SVOPL: variants seen among roughly 807,000 people sequenced by gnomAD.
The protein encoded by SVOPL is SVOP like, also known as putative transporter SVOPL.
Under a neutral mutation model 61.0 loss-of-function variants are expected in SVOPL, and 60 were observed. The observed-to-expected ratio is 0.98, with a 90% confidence interval of 0.80 to 1.22. The LOEUF is 1.22. SVOPL is among the 50% of genes most tolerant of loss of function. The pLI, the probability that SVOPL is intolerant of heterozygous loss-of-function variation, is 0.00. For missense variants in SVOPL, 662 were observed against 643.9 expected, an observed-to-expected ratio of 1.03 and a Z score of -0.30; for synonymous variants, 279 against 250.0, an observed-to-expected ratio of 1.12 and a Z score of -1.09.
At position 138,682,420 on chromosome 7, in the gene SVOPL, A is replaced by T. The variant is rs138508497; in HGVS notation, c.-34-3341T>A. Among the ~76,000 whole-genome samples, 397 of 152,328 alleles carry T rather than the reference A, an allele frequency of 2.6e-3. 4 individuals are homozygous for T. Among genetic ancestry groups the T allele is most frequent in the African/African-American group, 8.8e-3 (365 of 41,574 alleles). On this transcript the variant is annotated intron_variant, in intron 1 of 15. Transcript: ENST00000674285. ...GAAATGGAACCTGAATCGAATCAGG[A>T]ATCTAGCTCTAGCTACCAGCTTACA...
At position 138,596,878 on chromosome 7, in the gene SVOPL, C is replaced by CT. The variant is rs953932118; in HGVS notation, c.1354-349dup. The CT allele has an allele frequency of 7.3e-6, 8 of 1,091,834 alleles. No homozygotes were observed. The Admixed American group carries it at 3.7e-4, about 51-fold the overall frequency. 67.6% of individuals were successfully genotyped at this position (1,091,834 alleles called of 1,614,324 possible). A position where few individuals can be genotyped will look rare whatever the true frequency, so the allele number is the denominator to read the frequency against. Reference sequence around the variant, plus strand: ...CATACCATTTCAGCTTGCTTAACTTCTAACTCTCACTTCATGCTATATCCT... The same window carrying CT: ...CATACCATTTCAGCTTGCTTAACTTCTTAACTCTCACTTCATGCTATATCCT... On this transcript the variant is annotated intron_variant, in intron 14 of 15. Transcript: ENST00000674285.
chr7:138,596,410 C>G lies in SVOPL; in HGVS notation c.1467+7G>C, dbSNP rs1258639340. ...GAAAAGACTTCAGAGTTCCCTGCAT[C>G]ACTCACCTGGAGGGCCCGTCCTTTG... is the stretch of plus-strand genomic sequence containing the variant. On this transcript the variant is annotated splice_region_variant and intron_variant, in intron 15 of 15. Coordinates refer to ENST00000674285, the MANE Select transcript of SVOPL (RefSeq NM_001139456.2). The G allele has an allele frequency of 5.0e-6, 8 of 1,613,254 alleles. No individual in the cohort carries two copies. The highest frequency in any genetic ancestry group is 1.7e-4 in the Middle Eastern group (1 of 6,058).
intron 10 of SVOPL, 150 bp from the exon 11 acceptor site, chr7:138,628,513 T>C (rs1401189007): frequency 1.3e-6 from 1 of 757,068 alleles, no homozygotes; most frequent in Non-Finnish European, 2.1e-6. Flanking sequence ...TTCGTGGAAG[T>C]GTCTCTTACA....
intron 5 of SVOPL, chr7:138,660,982 C>A: frequency 1.0e-6 from 1 of 982,792 alleles, no homozygotes; most frequent in South Asian, 4.7e-5. Context: ...AACTCCTGTA[C>A]TTTAATGTTT....
At chr7:138,643,209 G>A (rs1285774413) in intron 9 of SVOPL, among the ~76,000 whole-genome samples, 4 of 151,890 alleles carry the variant, frequency 2.6e-5, no homozygotes, top group Non-Finnish European at 5.9e-5. Context: ...GGCGGATCAC[G>A]AGGTCAGGAA....
At chr7:138,682,225 G>A (rs1802715050) in intron 1 of SVOPL, among the ~76,000 whole-genome samples, 1 of 152,132 alleles carries the variant, frequency 6.6e-6, no homozygotes, top group Non-Finnish European at 1.5e-5. Flanking sequence ...AAACTATGAG[G>A]TGAAAGGCTG....
intron 7 of SVOPL, among the ~76,000 whole-genome samples, chr7:138,651,139 GAGGT>G (rs1801413704): frequency 6.6e-6 from 1 of 152,098 alleles, no homozygotes; most frequent in Admixed American, 6.5e-5. Context: ...CGTTGGAAGG[GAGGT>G]AGGACAGCCT....
At position 138,594,539 on chromosome 7, in the gene SVOPL, TA is replaced by T; in HGVS notation, c.*70del. On this transcript the variant is annotated 3_prime_UTR_variant, in exon 16 of 16. Transcript: ENST00000674285. ...AGCATACAGAAGTAAAACCAAGTTT[TA>T]AAAAAATGCACCGCAGTTCTGAAGA... The T allele has an allele frequency of 3.3e-6, 5 of 1,494,824 alleles. No homozygotes were observed. The highest frequency in any genetic ancestry group is 2.2e-5 in the Admixed American group (1 of 46,132). 92.6% of individuals were successfully genotyped at this position (1,494,824 alleles called of 1,614,324 possible). A position where few individuals can be genotyped will look rare whatever the true frequency, so the allele number is the denominator to read the frequency against.
chr7:138,689,299 T>C (rs1563139541), intron 1 of SVOPL: 1 of 1,592,110 alleles, frequency 6.3e-7, no homozygotes, highest in Non-Finnish European at 8.5e-7. Context: ...CTTAAGGGTT[T>C]AGATGTAGAT....
chr7:138,635,277 A>T (rs1800416230), intron 9 of SVOPL, among the ~76,000 whole-genome samples: 2 of 152,164 alleles, frequency 1.3e-5, no homozygotes, highest in Non-Finnish European at 2.9e-5. Flanking sequence ...TCTCAAAAAA[A>T]AAAAAAAAGT....
chr7:138,623,715 C>T (rs569852288), intron 13 of SVOPL, among the ~76,000 whole-genome samples: 3 of 152,246 alleles, frequency 2.0e-5, no homozygotes, highest in East Asian at 1.9e-4. Flanking sequence ...CACCATGTTA[C>T]GCATAGATTT....
intron 3 of SVOPL, 116 bp from the exon 4 acceptor site, chr7:138,672,233 G>A (rs1263491060): frequency 1.1e-6 from 1 of 924,236 alleles, no homozygotes; most frequent in Non-Finnish European, 1.7e-6. Context: ...CCCCATTCAG[G>A]GAGGATCTAT....
At chr7:138,638,298 A>G (rs1403050353) in intron 9 of SVOPL, among the ~76,000 whole-genome samples, 1 of 150,322 alleles carries the variant, frequency 6.7e-6, no homozygotes, top group Non-Finnish European at 1.5e-5. Context: ...AAAAAAGTAT[A>G]AAACCAAATT....
chr7:138,651,449 G>A (rs777143942), intron 7 of SVOPL, among the ~76,000 whole-genome samples: 50 of 152,180 alleles, frequency 3.3e-4, no homozygotes, highest in Middle Eastern at 6.8e-3. Flanking sequence ...CCTTTTAATC[G>A]TGCTTTGCTT....
intron 1 of SVOPL, among the ~76,000 whole-genome samples, chr7:138,690,228 G>A (rs989027862): frequency 2.0e-5 from 3 of 152,172 alleles, no homozygotes; most frequent in African/African-American, 7.2e-5. Flanking sequence ...ACTAATACAC[G>A]TGTCCACGCA....
chr7:138,653,116 G>C (rs957298238), intron 7 of SVOPL, among the ~76,000 whole-genome samples: 7 of 152,228 alleles, frequency 4.6e-5, no homozygotes, highest in African/African-American at 1.7e-4. Context: ...AAGGCTAAGA[G>C]AGGTGGGGAA....
intron 4 of SVOPL, among the ~76,000 whole-genome samples, chr7:138,666,601 C>T (rs1480248574): frequency 6.6e-6 from 1 of 152,200 alleles, no homozygotes; most frequent in Non-Finnish European, 1.5e-5. Flanking sequence ...GCTGATTGGA[C>T]AGAGGACCAG....
intron 5 of SVOPL, chr7:138,660,418 T>C: frequency 1.0e-6 from 1 of 985,750 alleles, no homozygotes; most frequent in East Asian, 1.1e-4. Flanking sequence ...AAAAAGAAAA[T>C]TAAGAAATTG....
chr7:138,621,187 G>T (rs372729099), intron 13 of SVOPL, 52 bp from the exon 14 acceptor site: 4 of 1,520,236 alleles, frequency 2.6e-6, no homozygotes, highest in Admixed American at 1.9e-5. Flanking sequence ...GTCCTTCCCC[G>T]AGCCCTCCTC....
Sources: allele counts gnomAD v4.1 joint callset (sites outside exome capture counted in the v4.1 genomes callset), GRCh38; gene constraint gnomAD v4.1.1; transcripts MANE v1.5; gene names NCBI Gene and HGNC (gene_info 2026-07-23, HGNC 2026-07-21).